The following PDE3A variants were observed in gnomAD, a reference collection of about 807,000 sequenced individuals.
PDE3A encodes phosphodiesterase 3A.
In PDE3A, 43 loss-of-function variants were observed where a neutral mutation model predicts 98.3. That is an observed-to-expected ratio of 0.44 (90% confidence interval 0.34 to 0.56). The LOEUF is 0.56. Ranked by LOEUF, PDE3A falls within the 20% of genes least tolerant of loss-of-function variation. The pLI, the probability that PDE3A is intolerant of heterozygous loss-of-function variation, is 0.01. For missense variants in PDE3A, 1,427 were observed against 1,440.7 expected, an observed-to-expected ratio of 0.99 and a Z score of 0.15; for synonymous variants, 663 against 567.9, an observed-to-expected ratio of 1.17 and a Z score of -2.38.
chr12:20,673,293 G>A (rs1371494883), intron 15 of PDE3A, among the ~76,000 whole-genome samples: 21 of 150,494 alleles, frequency 1.4e-4, no homozygotes, highest in South Asian at 4.2e-4. Flanking sequence ...TCAGTGTGGC[G>A]ATTCCTCAGG....
chr12:20,562,134 C>T, intron 2 of PDE3A, among the ~76,000 whole-genome samples: 1 of 151,442 alleles, frequency 6.6e-6, no homozygotes, highest in East Asian at 1.9e-4. Context: ...AAGGCAATTA[C>T]TTGTTGTTTT....
intron 1 of PDE3A, among the ~76,000 whole-genome samples, chr12:20,525,078 G>C (rs920039152): frequency 6.6e-6 from 1 of 152,084 alleles, no homozygotes; most frequent in African/African-American, 2.4e-5. Flanking sequence ...GTTGTGGTGA[G>C]CCGAGATCCA....
At chr12:20,431,432 T>C (rs4762958) in intron 1 of PDE3A, among the ~76,000 whole-genome samples, 1 of 152,030 alleles carries the variant, frequency 6.6e-6, no homozygotes, top group African/African-American at 2.4e-5. Context: ...GAGAAAAAGG[T>C]TTTTATTAGT....
rs766067971 is a variant in PDE3A at position 20,453,298 on chromosome 12, C to T, written c.960+83054C>T. On this transcript the variant is annotated intron_variant, in intron 1 of 15. Coordinates refer to ENST00000359062, the MANE Select transcript of PDE3A (RefSeq NM_000921.5). Reference sequence around the variant, plus strand: ...AAGCAGTTCTCTTGCCTCAGCCTCCCGAGTAGCTGGGATTACAGGTGACCA... The same window carrying T: ...AAGCAGTTCTCTTGCCTCAGCCTCCTGAGTAGCTGGGATTACAGGTGACCA... 1.1e-4 allele frequency among the ~76,000 whole-genome samples: 16 copies of T among 151,602 alleles called. No individual in the cohort carries two copies. In the East Asian group the frequency reaches 1.2e-3, roughly 11 times the overall value.
At chr12:20,447,163 A>G (rs1234934366) in intron 1 of PDE3A, among the ~76,000 whole-genome samples, 1 of 152,240 alleles carries the variant, frequency 6.6e-6, no homozygotes, top group East Asian at 1.9e-4. Flanking sequence ...CTCTCTTGCA[A>G]GCCATCCGGA....
intron 5 of PDE3A, among the ~76,000 whole-genome samples, chr12:20,624,287 T>A (rs1468301904): frequency 1.3e-5 from 2 of 152,162 alleles, no homozygotes; most frequent in African/African-American, 4.8e-5. Flanking sequence ...TCCTGTTTCT[T>A]CGGTTAAGTA....
At chr12:20,512,097 A>G (rs1463483257) in intron 1 of PDE3A, among the ~76,000 whole-genome samples, 1 of 152,096 alleles carries the variant, frequency 6.6e-6, no homozygotes, top group Non-Finnish European at 1.5e-5. Flanking sequence ...GTATTATAAC[A>G]TCCTAGATAG....
At chr12:20,537,008 C>G (rs764519046) in intron 1 of PDE3A, among the ~76,000 whole-genome samples, 13 of 151,996 alleles carry the variant, frequency 8.6e-5, no homozygotes, top group Non-Finnish European at 1.8e-4. Flanking sequence ...TTTCCACTAG[C>G]AAATTATAAA....
At chr12:20,397,407 C>G (rs1027555226) in intron 1 of PDE3A, among the ~76,000 whole-genome samples, 1 of 151,950 alleles carries the variant, frequency 6.6e-6, no homozygotes, top group African/African-American at 2.4e-5. Context: ...ACGTTTTGAG[C>G]CCTTTTGGTA....
At position 20,684,971 on chromosome 12, in the gene PDE3A, G is replaced by A. The variant is rs1945914253; in HGVS notation, c.*4700G>A. Among the ~76,000 whole-genome samples the A allele has an allele frequency of 6.6e-6, 1 of 152,194 alleles. No individual in the cohort carries two copies. Among genetic ancestry groups the A allele is most frequent in the Non-Finnish European group, 1.5e-5 (1 of 68,028 alleles). On this transcript the variant is annotated 3_prime_UTR_variant, in exon 16 of 16. Transcript: ENST00000359062. ...CTATGTTATGCACCATGGATGTTAG[G>A]CAATGTGTGCTATTGCCAACACATG...
At chr12:20,662,315 G>A (rs1215390064) in intron 15 of PDE3A, among the ~76,000 whole-genome samples, 1 of 151,810 alleles carries the variant, frequency 6.6e-6, no homozygotes, top group Admixed American at 6.6e-5. Context: ...GGCTGAGGTG[G>A]TCTCAGATAA....
intron 1 of PDE3A, among the ~76,000 whole-genome samples, chr12:20,546,127 A>T (rs181232037): frequency 1.3e-5 from 2 of 151,938 alleles, no homozygotes; most frequent in East Asian, 1.9e-4. Context: ...GCAGAGATTT[A>T]AAAAAAATTA....
In PDE3A at chr12:20,680,355, CTG is replaced by C; in HGVS notation, c.*86_*87del. On this transcript the variant is annotated 3_prime_UTR_variant, in exon 16 of 16. Coordinates refer to ENST00000359062, the MANE Select transcript of PDE3A (RefSeq NM_000921.5). ...GCCAGCACAACATTTAGACACAACACTGTAGAAATTTGAGATGGGCAAATGGC... is the reference window on the plus strand; with the variant it reads ...GCCAGCACAACATTTAGACACAACACTAGAAATTTGAGATGGGCAAATGGC... 7.2e-7 allele frequency: 1 copy of C among 1,390,028 alleles called. No homozygotes were observed. Among genetic ancestry groups the C allele is most frequent in the Non-Finnish European group, 9.8e-7 (1 of 1,020,218 alleles). The allele number at this position is 1,390,028 out of a possible 1,614,324, so 86.1% of individuals were successfully genotyped here.
At chr12:20,409,607 T>C (rs1281681724) in intron 1 of PDE3A, among the ~76,000 whole-genome samples, 3 of 152,140 alleles carry the variant, frequency 2.0e-5, no homozygotes, top group African/African-American at 7.2e-5. Flanking sequence ...TTACGAAATA[T>C]TATAGTTGGA....
chr12:20,516,364 T>A (rs77653020), intron 1 of PDE3A, among the ~76,000 whole-genome samples: 5,085 of 152,272 alleles, frequency 0.033, 126 homozygotes, highest in South Asian at 0.071. Context: ...TAAGTGGACA[T>A]GTAAAAGAAA....
intron 13 of PDE3A, among the ~76,000 whole-genome samples, chr12:20,649,306 A>T (rs1002858975): frequency 2.0e-5 from 3 of 151,940 alleles, no homozygotes; most frequent in African/African-American, 7.2e-5. Context: ...GTTACTATGA[A>T]CTCCCATATT....
At chr12:20,456,085 C>T (rs1238371236) in intron 1 of PDE3A, among the ~76,000 whole-genome samples, 2 of 152,092 alleles carry the variant, frequency 1.3e-5, no homozygotes, top group Non-Finnish European at 2.9e-5. Context: ...ATATCCAGGA[C>T]GTCGCGACAA....
chr12:20,437,659 CTAATA>C (rs1330260809), intron 1 of PDE3A, among the ~76,000 whole-genome samples: 2 of 152,232 alleles, frequency 1.3e-5, no homozygotes, highest in Admixed American at 6.5e-5. Context: ...AACAAACTTA[CTAATA>C]TGAGAACAGC....
intron 1 of PDE3A, among the ~76,000 whole-genome samples, chr12:20,461,169 T>A (rs1207408132): frequency 6.8e-6 from 1 of 146,448 alleles, no homozygotes; most frequent in Non-Finnish European, 1.5e-5. Flanking sequence ...GATGCTTTCA[T>A]GTCCCTCCAA....
Sources: allele counts gnomAD v4.1 joint callset (sites outside exome capture counted in the v4.1 genomes callset), GRCh38; gene constraint gnomAD v4.1.1; transcripts MANE v1.5; gene names NCBI Gene and HGNC (gene_info 2026-07-23, HGNC 2026-07-21).